Variants in SLC26A11 observed in about 807,000 individuals in gnomAD.
The protein encoded by SLC26A11 is solute carrier family 26 member 11.
In SLC26A11, 58 loss-of-function variants were observed where a neutral mutation model predicts 62.2. That is an observed-to-expected ratio of 0.93 (90% CI 0.76 to 1.16). The LOEUF is 1.16. SLC26A11 is among the 50% of genes most tolerant of loss of function. The pLI is 0.00. For synonymous variants in SLC26A11, 411 were observed against 368.9 expected, an observed-to-expected ratio of 1.11 and a Z score of -1.31; for missense variants, 790 against 794.3, an observed-to-expected ratio of 0.99 and a Z score of 0.06.
At position 80,222,108 on chromosome 17, in the gene SLC26A11, G is replaced by A; in HGVS notation, c.234+314G>A. ...ATACAAAAATTAGGCTGGGTGCGGT[G>A]GCTCAAGCCTGTAATCCCAGCACTT... On this transcript the variant is annotated intron_variant, in intron 3 of 17. Transcript: ENST00000361193. This position sits in a 1 kb window ranked among gnomAD's most constrained non-coding sequence, Gnocchi z 4.7. 3.2e-6 allele frequency: 1 copy of A among 314,084 alleles called. No homozygotes were observed. The highest frequency in any genetic ancestry group is 5.8e-6 in the Non-Finnish European group (1 of 172,248). 19.5% of individuals were successfully genotyped at this position (314,084 alleles called of 1,614,324 possible).
At chr17:80,221,881 G>C in intron 3 of SLC26A11, 87 bp downstream of exon 3, 2 of 1,352,200 alleles carry the variant, frequency 1.5e-6, no homozygotes, top group Non-Finnish European at 2.0e-6. Flanking sequence ...AGCGATTCCA[G>C]GTTTCCAGCC....
chr17:80,246,308 G>A lies in SLC26A11; in HGVS notation c.1153+99G>A, dbSNP rs187677879. 28 of 1,475,452 alleles carry A rather than the reference G, an allele frequency of 1.9e-5. No homozygotes were observed. The highest frequency in any genetic ancestry group is 8.0e-5 in the Admixed American group (4 of 50,028). 91.4% of individuals were successfully genotyped at this position (1,475,452 alleles called of 1,614,324 possible). ...CGTCCCTTTGGCTCATGGGCCGTGC[G>A]CCCCGGGACTGCACAGGGACTTGGG... On this transcript the variant is annotated intron_variant, in intron 12 of 17. Transcript: ENST00000361193. The surrounding 1 kb of genome is among the most constrained non-coding windows in gnomAD (Gnocchi z 4.4).
rs762787454 is a variant in SLC26A11 at position 80,243,394 on chromosome 17, CTTA to C, written c.1036+1591_1036+1593del. Among the ~76,000 whole-genome samples the C allele has an allele frequency of 1.9e-3, 285 of 151,774 alleles. 1 individual carries two copies. Among genetic ancestry groups the C allele is most frequent in the African/African-American group, 6.6e-3 (273 of 41,346 alleles). On this transcript the variant is annotated intron_variant, in intron 10 of 17. Coordinates refer to ENST00000361193, the MANE Select transcript of SLC26A11 (RefSeq NM_001166347.2). The stretch of plus-strand genomic sequence containing the variant: ...AGAGCATCCCATTCCCATTACTTTA[CTTA>C]TTATTATTATTATTATTTGAGACGG...
At position 80,223,890 on chromosome 17, in the gene SLC26A11, G is replaced by C. The variant is rs1227830325; in HGVS notation, c.513+553G>C. On this transcript the variant is annotated intron_variant, in intron 5 of 17. Coordinates refer to ENST00000361193, the MANE Select transcript of SLC26A11 (RefSeq NM_001166347.2). The surrounding 1 kb of genome is among the most constrained non-coding windows in gnomAD (Gnocchi z 4.6). Reference sequence around the variant, plus strand: ...GGGTGTAATTTATTCTGTTTTTGCTGGGTTGTAAGTTCCTCGAGGGTAGGA... The same window carrying C: ...GGGTGTAATTTATTCTGTTTTTGCTCGGTTGTAAGTTCCTCGAGGGTAGGA... Among the ~76,000 whole-genome samples the C allele has an allele frequency of 6.6e-6, 1 of 152,154 alleles. No individual in the cohort carries two copies. Among genetic ancestry groups the C allele is most frequent in the Non-Finnish European group, 1.5e-5 (1 of 68,020 alleles).
chr17:80,230,551 A>G (rs1483791033), intron 7 of SLC26A11, among the ~76,000 whole-genome samples: 1 of 152,130 alleles, frequency 6.6e-6, no homozygotes, highest in Non-Finnish European at 1.5e-5. Flanking sequence ...TTAAGGCAGA[A>G]AAATCTTGCC....
At position 80,246,108 on chromosome 17, in the gene SLC26A11, C is replaced by T. The variant is rs945357450; in HGVS notation, c.1098-46C>T. 2 of 1,610,550 alleles carry T rather than the reference C, an allele frequency of 1.2e-6. No homozygotes were observed. Among genetic ancestry groups the T allele is most frequent in the Non-Finnish European group, 1.7e-6 (2 of 1,177,686 alleles). On this transcript the variant is annotated intron_variant, in intron 11 of 17. Transcript: ENST00000361193. This position sits in a 1 kb window ranked among gnomAD's most constrained non-coding sequence, Gnocchi z 4.4. ...CACAGGAGTGTGGACTGAGGTCTCC[C>T]TTTTCCCGGCCCCTGGTGACTGACG...
At chr17:80,238,227 C>G (rs948595601) in intron 9 of SLC26A11, among the ~76,000 whole-genome samples, 3 of 152,148 alleles carry the variant, frequency 2.0e-5, no homozygotes, top group African/African-American at 4.8e-5. Context: ...ATGGAGCACA[C>G]CTGTGGTACC....
rs933948187 is a variant in SLC26A11, at chr17:80,222,407, T to G, written c.235-248T>G. On this transcript the variant is annotated intron_variant, in intron 3 of 17. Coordinates refer to ENST00000361193, the MANE Select transcript of SLC26A11 (RefSeq NM_001166347.2). This position sits in a 1 kb window ranked among gnomAD's most constrained non-coding sequence, Gnocchi z 4.7. The stretch of plus-strand genomic sequence containing the variant: ...AAAAAAAAAGAATGCTTCCTCAGAC[T>G]TGGACACAGCACACGGGCCTGCACC... 4 of 449,788 alleles carry G rather than the reference T, an allele frequency of 8.9e-6. No individual in the cohort carries two copies. Among genetic ancestry groups the G allele is most frequent in the Non-Finnish European group, 1.5e-5 (4 of 258,162 alleles). The allele number at this position is 449,788 out of a possible 1,614,324, so 27.9% of individuals were successfully genotyped here.
In SLC26A11 at chr17:80,238,822, TTTTTG is replaced by T. The variant is rs1406483372; in HGVS notation, c.985+1233_985+1237del. On this transcript the variant is annotated intron_variant, in intron 9 of 17. Transcript: ENST00000361193. ...CCCCCTTCAAAGGAGTTTTTTTTGT[TTTTTG>T]TTTTTTTTTTTTTTTGGAGACAGAG... 6.0e-3 allele frequency among the ~76,000 whole-genome samples: 819 copies of T among 136,180 alleles called. 50 individuals carry two copies. The highest frequency in any genetic ancestry group is 0.022 in the African/African-American group (742 of 34,014). 89.3% of individuals were successfully genotyped at this position (136,180 alleles called of 152,430 possible).
intron 7 of SLC26A11, among the ~76,000 whole-genome samples, chr17:80,229,830 C>T (rs1459190721): frequency 6.6e-6 from 1 of 152,234 alleles, no homozygotes; most frequent in Non-Finnish European, 1.5e-5. Context: ...GGCAGGATCT[C>T]AGGCCCCACC....
At position 80,246,108 on chromosome 17, in the gene SLC26A11, C is replaced by G; in HGVS notation, c.1098-46C>G. Reference sequence around the variant, plus strand: ...CACAGGAGTGTGGACTGAGGTCTCCCTTTTCCCGGCCCCTGGTGACTGACG... The same window carrying G: ...CACAGGAGTGTGGACTGAGGTCTCCGTTTTCCCGGCCCCTGGTGACTGACG... On this transcript the variant is annotated intron_variant, in intron 11 of 17. Transcript: ENST00000361193. This position sits in a 1 kb window ranked among gnomAD's most constrained non-coding sequence, Gnocchi z 4.4. The G allele has an allele frequency of 6.2e-7, 1 of 1,610,552 alleles. No individual in the cohort carries two copies. The highest frequency in any genetic ancestry group is 8.5e-7 in the Non-Finnish European group (1 of 1,177,688).
At chr17:80,221,510 C>G in intron 2 of SLC26A11, 38 bp from the exon 3 acceptor site, 2 of 1,432,706 alleles carry the variant, frequency 1.4e-6, no homozygotes, top group Non-Finnish European at 1.9e-6. Flanking sequence ...TCAAAGGCCA[C>G]GCTCTGACTG....
chr17:80,222,769 T>G lies in SLC26A11; in HGVS notation c.349T>G (p.Phe117Val). ...GTCCCTCCTGGTCTCCTTCTACACC[T>G]TCCATGAGCCCGCCTACGCTGTGCT... Reference protein sequence around the residue: ...IMSLLVSFYTFHEPAYAVLLA... With the variant: ...IMSLLVSFYTVHEPAYAVLLA... The change falls in exon 4 of 18, where the codon TTC becomes GTC. Residue 117 changes from phenylalanine to valine, a missense_variant. Transcript: ENST00000361193. This position sits in a 1 kb window ranked among gnomAD's most constrained non-coding sequence, Gnocchi z 4.7. 1 of 1,614,216 alleles carries G rather than the reference T, an allele frequency of 6.2e-7. No individual in the cohort carries two copies. Among genetic ancestry groups the G allele is most frequent in the Non-Finnish European group, 8.5e-7 (1 of 1,180,046 alleles).
At chr17:80,248,035 T>G in intron 13 of SLC26A11, 95 bp from the exon 14 acceptor site, 3 of 1,413,996 alleles carry the variant, frequency 2.1e-6, no homozygotes, top group Non-Finnish European at 2.8e-6. Flanking sequence ...CCTTTACTCA[T>G]ATGTGGGGGG....
chr17:80,249,963 C>T (rs1195537194), intron 16 of SLC26A11, among the ~76,000 whole-genome samples: 1 of 152,112 alleles, frequency 6.6e-6, no homozygotes, highest in Non-Finnish European at 1.5e-5. Flanking sequence ...AACGTATTGT[C>T]AGGGCTTCCA....
rs2042995440 is a variant in SLC26A11, at chr17:80,246,328, C to T, written c.1153+119C>T. ...CGTGCGCCCCGGGACTGCACAGGGA[C>T]TTGGGGGGCCACACAGGAGTAGGGG... On this transcript the variant is annotated intron_variant, in intron 12 of 17. Coordinates refer to ENST00000361193, the MANE Select transcript of SLC26A11 (RefSeq NM_001166347.2). The surrounding 1 kb of genome is among the most constrained non-coding windows in gnomAD (Gnocchi z 4.4). 6 of 1,432,278 alleles carry T rather than the reference C, an allele frequency of 4.2e-6. No individual in the cohort carries two copies. The highest frequency in any genetic ancestry group is 2.8e-5 in the African/African-American group (2 of 70,870). 88.7% of individuals were successfully genotyped at this position (1,432,278 alleles called of 1,614,324 possible). A position where few individuals can be genotyped will look rare whatever the true frequency, so the allele number is the denominator to read the frequency against.
chr17:80,242,676 T>G (rs569608657), intron 10 of SLC26A11, among the ~76,000 whole-genome samples: 3 of 152,364 alleles, frequency 2.0e-5, no homozygotes, highest in African/African-American at 7.2e-5. Flanking sequence ...GCGGGCTGAC[T>G]TCTTAGTGGT....
intron 10 of SLC26A11, 33 bp downstream of exon 10, chr17:80,241,854 G>A (rs780678783): frequency 6.2e-7 from 1 of 1,613,444 alleles, no homozygotes; most frequent in Admixed American, 1.7e-5. Context: ...GAAGACACCA[G>A]CTGTGGGCCT....
intron 5 of SLC26A11, 56 bp from the exon 6 acceptor site, chr17:80,225,781 C>T (rs1203102712): frequency 1.4e-5 from 21 of 1,491,260 alleles, no homozygotes; most frequent in Non-Finnish European, 2.0e-5. Context: ...GAGCTGGGGA[C>T]AGATGGCCTT....
Sources: allele counts gnomAD v4.1 joint callset (sites outside exome capture counted in the v4.1 genomes callset), GRCh38; gene constraint gnomAD v4.1.1; non-coding constraint Gnocchi (gnomAD v3.1); transcripts MANE v1.5; gene names NCBI Gene and HGNC (gene_info 2026-07-23, HGNC 2026-07-21).